Variants in CYP4F8 observed in about 807,000 individuals in gnomAD.
The protein encoded by CYP4F8 is cytochrome P450 4F8.
CYP4F8 carries 56 observed loss-of-function variants against 55.0 expected under a neutral mutation model. The ratio of observed to expected loss-of-function variants is 1.02; its 90% confidence interval spans 0.82 to 1.27. The LOEUF (loss-of-function observed/expected upper bound fraction) is 1.27. Ranked by LOEUF, CYP4F8 falls within the 50% of genes most tolerant of loss-of-function variation. CYP4F8 has a pLI of 0.00. For synonymous variants in CYP4F8, 288 were observed against 267.3 expected, an observed-to-expected ratio of 1.08 and a Z score of -0.76; for missense variants, 680 against 682.4, an observed-to-expected ratio of 1.00 and a Z score of 0.04.
intron 2 of CYP4F8, among the ~76,000 whole-genome samples, chr19:15,616,234 A>ACCCACTCATTCCTCTCCTCG (rs1599855264): frequency 9.0e-5 from 6 of 66,496 alleles, no homozygotes; most frequent in African/African-American, 3.7e-4. Context: ...TCCTCTCCTC[A>ACCCACTCATTCCTCTCCTCG]CCCACTCATT....
chr19:15,622,790 C>T, intron 6 of CYP4F8: 4 of 448,044 alleles, frequency 8.9e-6, no homozygotes, highest in South Asian at 6.9e-5. Context: ...CATGTAGACA[C>T]AGCATGCAAG....
At chr19:15,626,339 G>A (rs916200487) in intron 9 of CYP4F8, among the ~76,000 whole-genome samples, 6 of 152,160 alleles carry the variant, frequency 3.9e-5, no homozygotes, top group Non-Finnish European at 7.3e-5. Context: ...CAGTGCATGT[G>A]ACCCCTCTAC....
At chr19:15,617,242 A>C (rs1210209751) in intron 2 of CYP4F8, among the ~76,000 whole-genome samples, 1 of 152,178 alleles carries the variant, frequency 6.6e-6, no homozygotes, top group Non-Finnish European at 1.5e-5. Context: ...GGGCTTCTCC[A>C]TGAACAGACA....
chr19:15,623,897 A>G (rs369917130), intron 8 of CYP4F8, 68 bp from the exon 9 acceptor site: 14 of 1,601,116 alleles, frequency 8.7e-6, no homozygotes, highest in Non-Finnish European at 1.1e-5. Flanking sequence ...GCCTCAATGT[A>G]TGGGCGCTGT....
In CYP4F8 at chr19:15,623,721, C is replaced by A. The variant is rs778333668; in HGVS notation, c.941C>A (p.Ser314Ter). The change falls in exon 8 of 13, where the codon TCA (serine) becomes TAA (stop). Residue 314 changes from serine (S) to a stop codon, truncating the protein, a stop_gained. Coordinates refer to ENST00000612078, the MANE Select transcript of CYP4F8 (RefSeq NM_007253.4). LOFTEE classifies it high-confidence loss of function. ...LSEDKNGKEL[S>*]DEDIRAEADT... ...CAGGATAAAAATGGTAAAGAGTTGTCAGATGAGGACATAAGAGCAGAAGCT... is the reference window on the plus strand; with the variant it reads ...CAGGATAAAAATGGTAAAGAGTTGTAAGATGAGGACATAAGAGCAGAAGCT... The A allele has an allele frequency of 2.5e-6, 4 of 1,614,102 alleles. 1 individual carries two copies. In the South Asian group the frequency reaches 4.4e-5, roughly 18 times the overall value.
chr19:15,622,774 G>A (rs1416070406), intron 6 of CYP4F8: 4 of 420,402 alleles, frequency 9.5e-6, no homozygotes, highest in Non-Finnish European at 1.8e-5. Context: ...ATGGAAGATT[G>A]ACTGTCATGT....
intron 2 of CYP4F8, among the ~76,000 whole-genome samples, chr19:15,617,598 G>T (rs1253502668): frequency 6.6e-6 from 1 of 151,878 alleles, no homozygotes; most frequent in Non-Finnish European, 1.5e-5. Context: ...ATTTATTATA[G>T]GAATTGACTC....
At chr19:15,617,899 T>C (rs1972143295) in intron 2 of CYP4F8, 101 bp from the exon 3 acceptor site, 2 of 1,420,096 alleles carry the variant, frequency 1.4e-6, no homozygotes, top group South Asian at 1.4e-5. Flanking sequence ...CCTGAAACAC[T>C]CTCACAGACA....
rs967110091 is a variant in CYP4F8, at chr19:15,619,654, T to C, written c.417T>C (p.Ser139=). The change falls in exon 5 of 13, where the codon AGT becomes AGC. Residue 139 remains serine, a synonymous_variant. Transcript: ENST00000612078. ...TACTAGGGGATGGGCTCTTGTTAAGTGTTGGTGACAAGTGGAGACACCACC... is the reference window on the plus strand; with the variant it reads ...TACTAGGGGATGGGCTCTTGTTAAGCGTTGGTGACAAGTGGAGACACCACC... The part of the protein sequence containing the change: ...KPWLGDGLLL[S]VGDKWRHHRR... The C allele has an allele frequency of 5.6e-6, 9 of 1,614,218 alleles. No homozygotes were observed. The East Asian group carries it at 2.0e-4, about 36-fold the overall frequency.
At position 15,628,787 on chromosome 19, in the gene CYP4F8, A is replaced by G. The variant is rs2056822; in HGVS notation, c.1341A>G (p.Pro447=). ...PEVYDPFRFD[P]ENAQKRSPMA... ...TCTATGACCCCTTCCGCTTCGACCCAGAAAACGCCCAGAAGAGGTCACCTA... is the reference window on the plus strand; with the variant it reads ...TCTATGACCCCTTCCGCTTCGACCCGGAAAACGCCCAGAAGAGGTCACCTA... Residue 447 remains proline (P), a synonymous_variant, in exon 12 of 13, where the codon CCA becomes CCG. Transcript: ENST00000612078. The G allele has an allele frequency of 1.9e-6, 3 of 1,610,168 alleles. No homozygotes were observed. The South Asian group carries it at 3.3e-5, about 18-fold the overall frequency.
At chr19:15,628,635 C>T (rs1237797008) in intron 11 of CYP4F8, 40 bp downstream of exon 11, 6 of 1,609,676 alleles carry the variant, frequency 3.7e-6, no homozygotes, top group African/African-American at 1.3e-5. Flanking sequence ...CGGGCCTGGT[C>T]GGGGGAGGGG....
intron 12 of CYP4F8, 130 bp downstream of exon 12, chr19:15,628,973 G>C: frequency 7.8e-7 from 1 of 1,280,480 alleles, no homozygotes; most frequent in South Asian, 1.5e-5. Flanking sequence ...AGGAAAAAGG[G>C]TGTGCTCAGA....
chr19:15,617,842 G>T (rs545970246), intron 2 of CYP4F8, among the ~76,000 whole-genome samples, 158 bp from the exon 3 acceptor site: 1 of 152,322 alleles, frequency 6.6e-6, no homozygotes, highest in South Asian at 2.1e-4. Context: ...CACAGACTGG[G>T]AAGGGGAGAT....
chr19:15,625,130 C>T (rs1972245341), intron 9 of CYP4F8, among the ~76,000 whole-genome samples: 1 of 151,550 alleles, frequency 6.6e-6, no homozygotes, highest in South Asian at 2.1e-4. Context: ...TCTTGTTTGA[C>T]TTATTTTAAT....
At position 15,629,553 on chromosome 19, in the gene CYP4F8, C is replaced by A; in HGVS notation, c.*195C>A. ...GGGAGATGTCTCTGTGCCCAAGATA[C>A]TCACTGCCTCTCTGGGTGAGCACAG... On this transcript the variant is annotated 3_prime_UTR_variant, in exon 13 of 13. Coordinates refer to ENST00000612078, the MANE Select transcript of CYP4F8 (RefSeq NM_007253.4). 1 of 698,374 alleles carries A rather than the reference C, an allele frequency of 1.4e-6. No homozygotes were observed. Among genetic ancestry groups the A allele is most frequent in the African/African-American group, 1.8e-5 (1 of 54,878 alleles). The allele number at this position is 698,374 out of a possible 1,614,324, so 43.3% of individuals were successfully genotyped here.
intron 3 of CYP4F8, chr19:15,619,241 A>G: frequency 2.0e-6 from 1 of 495,770 alleles, no homozygotes; most frequent in South Asian, 2.6e-5. Context: ...ACCATGTAGG[A>G]GCCATGTCAA....
At chr19:15,622,677 C>G (rs1193290171) in intron 6 of CYP4F8, 2 of 363,284 alleles carry the variant, frequency 5.5e-6, no homozygotes, top group Non-Finnish European at 1.0e-5. Flanking sequence ...GCATTTTATC[C>G]AAGGTTCCTA....
At chr19:15,623,875 A>C (rs1972228032) in intron 8 of CYP4F8, 90 bp from the exon 9 acceptor site, 2 of 1,595,760 alleles carry the variant, frequency 1.3e-6, no homozygotes, top group Non-Finnish European at 1.7e-6. Context: ...CCTCCCCTCA[A>C]CCTTCCTGAG....
intron 10 of CYP4F8, 26 bp downstream of exon 10, chr19:15,628,461 G>A (rs1351564390): frequency 1.2e-6 from 2 of 1,613,746 alleles, no homozygotes; most frequent in African/African-American, 1.3e-5. Flanking sequence ...GGGGAGGAGG[G>A]TCCTGGGCAG....
Sources: gnomAD v4.1 joint callset for allele counts (sites outside exome capture counted in the v4.1 genomes callset) on GRCh38, gnomAD v4.1.1 for gene constraint, MANE v1.5 for transcripts, NCBI Gene and HGNC (gene_info 2026-07-23, HGNC 2026-07-21) for gene names.